The following DMD variants were observed in gnomAD, a reference collection of about 807,000 sequenced individuals.
DMD encodes the protein dystrophin.
In DMD, 63 loss-of-function variants were observed where a neutral mutation model predicts 330.1. The ratio of observed to expected loss-of-function variants is 0.19; its 90% CI spans 0.16 to 0.24. DMD has a LOEUF of 0.24. DMD is among the 10% of genes least tolerant of loss of function. The probability of loss-of-function intolerance (pLI) is 1.00; values close to 1 mark genes in which losing one functional copy is unlikely to be tolerated. For missense variants in DMD, 3,344 were observed against 2,684.1 expected, an observed-to-expected ratio of 1.25 and a Z score of -5.43; for synonymous variants, 1,223 against 959.8, an observed-to-expected ratio of 1.27 and a Z score of -5.07.
At chrX:33,214,883 C>T (rs112395813), upstream of DMD, among the ~76,000 whole-genome samples, 667 of 111,920 alleles carry the variant, frequency 6.0e-3, 3 homozygotes, top group Non-Finnish European at 0.01. Flanking sequence ...TAACTTCTGG[C>T]CTCAAGTAAT....
chrX:32,580,992 CTT>C (rs1402435953), intron 13 of DMD, among the ~76,000 whole-genome samples: 1 of 110,442 alleles, frequency 9.1e-6, no homozygotes, highest in Non-Finnish European at 1.9e-5. Flanking sequence ...ACACCTGGCT[CTT>C]TTTTGTATTT....
At chrX:32,340,343 G>A (rs1167915339) in intron 41 of DMD, among the ~76,000 whole-genome samples, 4 of 111,323 alleles carry the variant, frequency 3.6e-5, no homozygotes, top group Non-Finnish European at 5.7e-5. Context: ...AGAATAAATC[G>A]TTTATGAGGA....
intron 44 of DMD, among the ~76,000 whole-genome samples, chrX:32,133,778 A>C (rs186561463): frequency 9.0e-6 from 1 of 111,294 alleles, no homozygotes; most frequent in Non-Finnish European, 1.9e-5. Flanking sequence ...CCCTGGTCTC[A>C]GTCAGCATCA....
At chrX:31,298,417 A>C (rs2148059210) in intron 62 of DMD, among the ~76,000 whole-genome samples, 1 of 110,091 alleles carries the variant, frequency 9.1e-6, no homozygotes, top group African/African-American at 3.3e-5. Flanking sequence ...ACATACACAC[A>C]CACACACACA....
intron 2 of DMD, among the ~76,000 whole-genome samples, chrX:32,943,542 T>G (rs745612205): frequency 2.3e-4 from 26 of 111,505 alleles, no homozygotes; most frequent in Middle Eastern, 4.7e-3. Flanking sequence ...TCTTTAGAGA[T>G]ATATCATTTT....
rs148470525 is a variant in DMD, at chrX:32,776,271, G to T, written c.649+33222C>A. Among the ~76,000 whole-genome samples the T allele has an allele frequency of 7.6e-3, 705 of 93,047 alleles. 4 individuals are homozygous for T. The highest frequency in any genetic ancestry group is 0.012 in the Non-Finnish European group (579 of 46,875). 80.8% of individuals were successfully genotyped at this position (93,047 alleles called of 115,157 possible). On this transcript the variant is annotated intron_variant, in intron 7 of 78. Coordinates refer to ENST00000357033, the MANE Select transcript of DMD (RefSeq NM_004006.3). ...ATTCCAAACTCTCCCTCATCTTTCT[G>T]TCTTCTTCTGACCCCCCCCCCAAAT...
At chrX:33,058,726 T>G (rs1456789535) in intron 1 of DMD, among the ~76,000 whole-genome samples, 1 of 111,553 alleles carries the variant, frequency 9.0e-6, no homozygotes, top group East Asian at 2.8e-4. Flanking sequence ...ATTTGAGAGC[T>G]CCAGCTGAGG....
intron 1 of DMD, among the ~76,000 whole-genome samples, chrX:33,317,916 T>C (rs1245120709): frequency 1.8e-5 from 2 of 111,783 alleles, no homozygotes; most frequent in African/African-American, 6.5e-5. Flanking sequence ...AAGGGATTAA[T>C]AAAGTTTCTA....
At chrX:33,277,776 C>T (rs776620156) in intron 1 of DMD, among the ~76,000 whole-genome samples, 10 of 111,434 alleles carry the variant, frequency 9.0e-5, no homozygotes, top group African/African-American at 3.3e-4. Context: ...CGGGCAACCA[C>T]TCATCTATTT....
rs375996611 is a variant in DMD at position 31,472,139 on chromosome X, C to T, written c.8937+5967G>A. 5.3e-5 allele frequency among the ~76,000 whole-genome samples: 6 copies of T among 112,247 alleles called. No individual in the cohort carries two copies. The East Asian group carries it at 1.4e-3, about 26-fold the overall frequency. ...TCATTTGTAGTTCTTTAACAATGCA[C>T]AAAACATTAATAAATTTTCCTCTTC... On this transcript the variant is annotated intron_variant, in intron 59 of 78. Transcript: ENST00000357033.
chrX:32,976,775 T>G (rs1397594936), intron 2 of DMD, among the ~76,000 whole-genome samples: 1 of 111,765 alleles, frequency 8.9e-6, no homozygotes, highest in East Asian at 2.8e-4. Context: ...AATTAATTAT[T>G]GATGATAAAT....
intron 43 of DMD, among the ~76,000 whole-genome samples, chrX:32,255,933 G>A (rs773273314): frequency 8.9e-6 from 1 of 112,119 alleles, no homozygotes; most frequent in East Asian, 2.8e-4. Flanking sequence ...AGGCTGAGTT[G>A]TATAACTGTG....
chrX:32,672,579 T>G (rs2061698395), intron 9 of DMD, among the ~76,000 whole-genome samples: 1 of 110,752 alleles, frequency 9.0e-6, no homozygotes, highest in African/African-American at 3.3e-5. Context: ...AAATAAATCC[T>G]TTTTGCCAGG....
intron 1 of DMD, among the ~76,000 whole-genome samples, chrX:33,151,934 A>G (rs1334241574): frequency 1.8e-5 from 2 of 111,936 alleles, no homozygotes; most frequent in Non-Finnish European, 3.8e-5. Context: ...AGAAGATACA[A>G]TGAGAATAAA....
In DMD at chrX:33,068,540, C is replaced by T. The variant is rs764699369; in HGVS notation, c.32-48340G>A. Among the ~76,000 whole-genome samples the T allele has an allele frequency of 4.5e-5, 5 of 112,086 alleles. No individual in the cohort carries two copies. The East Asian group carries it at 1.1e-3, about 25-fold the overall frequency. On this transcript the variant is annotated intron_variant, in intron 1 of 78. Coordinates refer to ENST00000357033, the MANE Select transcript of DMD (RefSeq NM_004006.3). ...AAAAATACATGTAATTCAAAATAAA[C>T]GTTATCACTGGATATGGTAGCAAAA...
intron 7 of DMD, among the ~76,000 whole-genome samples, chrX:32,793,881 C>T (rs2076000244): frequency 9.0e-6 from 1 of 111,311 alleles, no homozygotes; most frequent in Non-Finnish European, 1.9e-5. Context: ...GGAATTCCCC[C>T]TATCTCATTC....
In DMD at chrX:32,726,751, C is replaced by T. The variant is rs983996526; in HGVS notation, c.650-27458G>A. 2.7e-5 allele frequency among the ~76,000 whole-genome samples: 3 copies of T among 110,569 alleles called. No individual in the cohort carries two copies. The Admixed American group carries it at 2.9e-4, about 11-fold the overall frequency. Reference sequence around the variant, plus strand: ...TTATACATATTTATGGGGTCCAACACAATGTTTCTACACACAGACATTGGA... The same window carrying T: ...TTATACATATTTATGGGGTCCAACATAATGTTTCTACACACAGACATTGGA... On this transcript the variant is annotated intron_variant, in intron 7 of 78. Coordinates refer to ENST00000357033, the MANE Select transcript of DMD (RefSeq NM_004006.3).
chrX:33,173,633 G>A (rs1394006772), intron 1 of DMD, among the ~76,000 whole-genome samples: 1 of 111,399 alleles, frequency 9.0e-6, no homozygotes, highest in Non-Finnish European at 1.9e-5. Context: ...TAGAAGATCA[G>A]TTGGGAATAA....
chrX:32,602,337 T>C (rs775615439), intron 12 of DMD, among the ~76,000 whole-genome samples: 2 of 111,745 alleles, frequency 1.8e-5, no homozygotes, highest in African/African-American at 6.5e-5. Flanking sequence ...ATTCTGCATA[T>C]AGTTACAGAA....
Sources: gnomAD v4.1 joint callset for allele counts (sites outside exome capture counted in the v4.1 genomes callset) on GRCh38, gnomAD v4.1.1 for gene constraint, MANE v1.5 for transcripts, NCBI Gene and HGNC (gene_info 2026-07-23, HGNC 2026-07-21) for gene names.